MUC12: variants seen among roughly 807,000 people sequenced by gnomAD.
MUC12 encodes the protein mucin-12.
Under a neutral mutation model 230.8 loss-of-function variants are expected in MUC12, and 172 were observed. The ratio of observed to expected loss-of-function variants is 0.75; its 90% CI spans 0.66 to 0.85. The LOEUF (loss-of-function observed/expected upper bound fraction) is 0.85, where lower values mean the gene tolerates loss of function less well. Ranked by LOEUF, MUC12 falls within the 40% of genes least tolerant of loss-of-function variation. The pLI is 0.00. For missense variants in MUC12, 3,506 were observed against 5,920.6 expected (o/e 0.59, Z 13.38); for synonymous variants, 1,259 against 2,401.9 (o/e 0.52, Z 13.91).
In MUC12 at chr7:101,012,328, T is replaced by C. The variant is rs776750530; in HGVS notation, c.15284T>C (p.Ile5095Thr). ...AGCATCGTGGTCAAGAACGATGTCATCCTGGAGGCAGACTACACTTTAGAG... is the reference window on the plus strand; with the variant it reads ...AGCATCGTGGTCAAGAACGATGTCACCCTGGAGGCAGACTACACTTTAGAG... ...NGSIVVKNDV[I>T]LEADYTLEYE... Residue 5095 changes from isoleucine (I) to threonine (T), a missense_variant, in exon 6 of 12, where the codon ATC becomes ACC. Coordinates refer to ENST00000536621, the MANE Select transcript of MUC12 (RefSeq NM_001164462.2). 1 of 1,537,348 alleles carries C rather than the reference T, an allele frequency of 6.5e-7. No homozygotes were observed. Among genetic ancestry groups the C allele is most frequent in the Admixed American group, 2.0e-5 (1 of 50,976 alleles).
intron 1 of MUC12, among the ~76,000 whole-genome samples, chr7:100,977,963 C>T (rs1259027989): frequency 7.2e-5 from 11 of 152,168 alleles, no homozygotes; most frequent in Admixed American, 2.6e-4. Context: ...CTTTCCTGTA[C>T]GTCACACCTC....
chr7:100,986,504 A>G (rs550482886), intron 1 of MUC12, among the ~76,000 whole-genome samples: 66 of 152,096 alleles, frequency 4.3e-4, no homozygotes, highest in Non-Finnish European at 8.7e-4. Flanking sequence ...TCATGAAGTT[A>G]GAATTCCAAA....
rs1793205279 is a variant in MUC12 at position 100,987,234 on chromosome 7, T to G, written c.68-3397T>G. 1.3e-5 allele frequency among the ~76,000 whole-genome samples: 2 copies of G among 151,950 alleles called. 1 individual carries two copies. Among genetic ancestry groups the G allele is most frequent in the South Asian group, 4.2e-4 (2 of 4,806 alleles). The stretch of plus-strand genomic sequence containing the variant: ...GGCGCATGCTACCATGCCTGGCTAA[T>G]TTTTGTATTTTTAGTAGGGATGGGG... On this transcript the variant is annotated intron_variant, in intron 1 of 11. Coordinates refer to ENST00000536621, the MANE Select transcript of MUC12 (RefSeq NM_001164462.2).
In MUC12 at chr7:101,013,990, T is replaced by C. The variant is rs1435542261; in HGVS notation, c.15716T>C (p.Ile5239Thr). Residue 5239 changes from isoleucine to threonine, a missense_variant, in exon 9 of 12, where the codon ATC (isoleucine) becomes ACC (threonine). Physicochemically the swap from Ile to Thr is moderately conservative, Grantham distance 89. Coordinates refer to ENST00000536621, the MANE Select transcript of MUC12 (RefSeq NM_001164462.2). ...FNIAKSLVYG[I>T]VGAVMAVLLL... ...ATCGCCAAGAGCCTCGTGTATGGGA[T>C]CGTGGGGGCTGTGATGGCGGTGCTG... is the stretch of plus-strand genomic sequence containing the variant. The C allele has an allele frequency of 1.3e-6, 2 of 1,535,946 alleles. No individual in the cohort carries two copies. Among genetic ancestry groups the C allele is most frequent in the Non-Finnish European group, 1.7e-6 (2 of 1,146,412 alleles).
At chr7:100,984,710 AAGTCCAGGCATGATATGC>A (rs1176587133) in intron 1 of MUC12, among the ~76,000 whole-genome samples, 1 of 152,146 alleles carries the variant, frequency 6.6e-6, no homozygotes, top group Non-Finnish European at 1.5e-5. Flanking sequence ...TCATAATCTT[AAGTCCAGGCATGATATGC>A]AGTCCACGTA....
At chr7:100,977,136 A>G (rs1793045480) in intron 1 of MUC12, among the ~76,000 whole-genome samples, 1 of 151,336 alleles carries the variant, frequency 6.6e-6, no homozygotes, top group Admixed American at 6.6e-5. Flanking sequence ...ATTTGAACCT[A>G]AGCTTTCCAG....
At position 100,992,694 on chromosome 7, in the gene MUC12, G is replaced by C; in HGVS notation, c.2131G>C (p.Gly711Arg). The change falls in exon 2 of 12, where the codon GGT becomes CGT. Residue 711 changes from glycine (G) to arginine (R), a missense_variant. Transcript: ENST00000536621. ...FPESDTTSGR[G>R]EESTTSHSST... ...TGAAAGCGACACAACTTCAGGCCGT[G>C]GTGAAGAATCAACAACTTCCCACAG... The C allele has an allele frequency of 6.5e-7, 1 of 1,535,290 alleles. No individual in the cohort carries two copies. Among genetic ancestry groups the C allele is most frequent in the African/African-American group, 1.4e-5 (1 of 72,004 alleles).
rs531334547 is a variant in MUC12, at chr7:100,985,385, A to T, written c.68-5246A>T. On this transcript the variant is annotated intron_variant, in intron 1 of 11. Transcript: ENST00000536621. ...GCAAAATATCTCAAGCACTGATTTTAGGAGCAGTTTAGGGAGGGTCAAAAA... is the reference window on the plus strand; with the variant it reads ...GCAAAATATCTCAAGCACTGATTTTTGGAGCAGTTTAGGGAGGGTCAAAAA... Among the ~76,000 whole-genome samples, 3 of 152,278 alleles carry T rather than the reference A, an allele frequency of 2.0e-5. No homozygotes were observed. In the South Asian group the frequency reaches 6.2e-4, roughly 32 times the overall value.
At chr7:100,979,429 T>TAATAA (rs985789296) in intron 1 of MUC12, among the ~76,000 whole-genome samples, 1 of 151,642 alleles carries the variant, frequency 6.6e-6, no homozygotes, top group African/African-American at 2.4e-5. Context: ...GGCATACCTA[T>TAATAA]AATAAAATAA....
chr7:101,012,626 G>A (rs996941054), intron 6 of MUC12, among the ~76,000 whole-genome samples, 179 bp downstream of exon 6: 2 of 151,988 alleles, frequency 1.3e-5, no homozygotes, highest in African/African-American at 2.4e-5. Context: ...GCCCCCTCTC[G>A]GTCCCAGGCT....
chr7:100,990,724 T>G lies in MUC12; in HGVS notation c.161T>G (p.Val54Gly), dbSNP rs777888362. Residue 54 changes from valine to glycine, a missense_variant, in exon 2 of 12, where the codon GTG becomes GGG. By Grantham distance (109) the Val-to-Gly change is moderately radical. Transcript: ENST00000536621. ...DPFTTFSDYG[V>G]SVTFITGSTA... is the part of the protein sequence containing the mutation. ...TTTACCACCTTTAGTGACTATGGGGTGTCAGTCACATTTATCACGGGCTCA... is the reference window on the plus strand; with the variant it reads ...TTTACCACCTTTAGTGACTATGGGGGGTCAGTCACATTTATCACGGGCTCA... 8 of 1,537,656 alleles carry G rather than the reference T, an allele frequency of 5.2e-6. No individual in the cohort carries two copies. The South Asian group carries it at 9.5e-5, about 18-fold the overall frequency.
chr7:100,983,405 G>T (rs568818409), intron 1 of MUC12, among the ~76,000 whole-genome samples: 1 of 150,568 alleles, frequency 6.6e-6, no homozygotes, highest in South Asian at 2.1e-4. Flanking sequence ...GGGCAACAGA[G>T]CGAGACTCCG....
Position 101,013,151 on chromosome 7 carries a change from C to G in MUC12, c.15638+9C>G, listed in dbSNP as rs774623384. ...AGTGGCCCCCGCTGCCTGTGAGTGTCCCCATAAGCCCAGCACCCACTCTGT... is the reference window on the plus strand; with the variant it reads ...AGTGGCCCCCGCTGCCTGTGAGTGTGCCCATAAGCCCAGCACCCACTCTGT... On this transcript the variant is annotated intron_variant, in intron 8 of 11. Coordinates refer to ENST00000536621, the MANE Select transcript of MUC12 (RefSeq NM_001164462.2). The G allele has an allele frequency of 9.1e-6, 14 of 1,537,006 alleles. No homozygotes were observed. Among genetic ancestry groups the G allele is most frequent in the Non-Finnish European group, 1.2e-5 (14 of 1,146,860 alleles).
At position 100,990,696 on chromosome 7, in the gene MUC12, C is replaced by T; in HGVS notation, c.133C>T (p.Pro45Ser). 1 of 1,537,808 alleles carries T rather than the reference C, an allele frequency of 6.5e-7. No homozygotes were observed. The highest frequency in any genetic ancestry group is 8.7e-7 in the Non-Finnish European group (1 of 1,147,048). Residue 45 changes from proline to serine, a missense_variant, in exon 2 of 12, where the codon CCT (proline) becomes TCT (serine). Coordinates refer to ENST00000536621, the MANE Select transcript of MUC12 (RefSeq NM_001164462.2). Reference protein sequence around the residue: ...TSASTPSSSDPFTTFSDYGVS... With the variant: ...TSASTPSSSDSFTTFSDYGVS... ...TGCATCCACACCCAGTTCAAGCGAC[C>T]CTTTTACCACCTTTAGTGACTATGG... is the stretch of plus-strand genomic sequence containing the variant.
In MUC12 at chr7:101,018,893, C is replaced by A; in HGVS notation, c.*257C>A. 2.3e-6 allele frequency: 1 copy of A among 442,108 alleles called. No individual in the cohort carries two copies. The highest frequency in any genetic ancestry group is 4.0e-6 in the Non-Finnish European group (1 of 253,022). The allele number at this position is 442,108 out of a possible 1,614,324, so 27.4% of individuals were successfully genotyped here. A position where few individuals can be genotyped will look rare whatever the true frequency, so the allele number is the denominator to read the frequency against. ...CCCTGTCTCCTCCTGGGTGGCTCCC[C>A]ACTCTGGAATTTCCCTACCAATAAA... is the stretch of plus-strand genomic sequence containing the variant. On this transcript the variant is annotated 3_prime_UTR_variant, in exon 12 of 12. Transcript: ENST00000536621.
Position 100,992,843 on chromosome 7 carries a change from C to G in MUC12, c.2280C>G (p.Thr760=). Residue 760 remains threonine (T), a synonymous_variant, in exon 2 of 12, where the codon ACC becomes ACG. Transcript: ENST00000536621. The part of the protein sequence containing the change: ...ATTHFPDSST[T]SGRSEESTAS... ...CACACTTCCCTGACAGCTCCACAAC[C>G]TCAGGCCGTAGTGAGGAATCAACAG... The G allele has an allele frequency of 6.5e-7, 1 of 1,537,674 alleles. No homozygotes were observed. The highest frequency in any genetic ancestry group is 8.7e-7 in the Non-Finnish European group (1 of 1,147,044).
chr7:100,987,421 G>A (rs1042290558), intron 1 of MUC12, among the ~76,000 whole-genome samples: 1 of 152,194 alleles, frequency 6.6e-6, no homozygotes, highest in African/African-American at 2.4e-5. Flanking sequence ...GAACCAGGGT[G>A]CAGGAGGCAC....
intron 1 of MUC12, among the ~76,000 whole-genome samples, chr7:100,985,708 G>A (rs1793176767): frequency 6.6e-6 from 1 of 152,184 alleles, no homozygotes; most frequent in African/African-American, 2.4e-5. Flanking sequence ...GTGCAGAAAG[G>A]CAGGGTGGCT....
chr7:101,009,200 C>A (rs1355237284), intron 5 of MUC12, 41 bp downstream of exon 5: 1 of 1,514,374 alleles, frequency 6.6e-7, no homozygotes, highest in African/African-American at 1.4e-5. Context: ...GTGGGGAAAT[C>A]CTCCTTGTCC....
Sources: allele counts gnomAD v4.1 joint callset (sites outside exome capture counted in the v4.1 genomes callset), GRCh38; gene constraint gnomAD v4.1.1; transcripts MANE v1.5; gene names NCBI Gene and HGNC (gene_info 2026-07-23, HGNC 2026-07-21).